KALRN: variants seen among roughly 807,000 people sequenced by gnomAD.
KALRN encodes the protein kalirin.
A neutral mutation model predicts 353.7 loss-of-function variants in KALRN; 70 were observed. The observed-to-expected ratio is 0.20, with a 90% CI of 0.16 to 0.24. The LOEUF (loss-of-function observed/expected upper bound fraction) is 0.24. Among genes scored for constraint, KALRN ranks in the 10% least tolerant of loss-of-function variants. The pLI is 1.00. For missense variants in KALRN, 2,791 were observed against 3,756.7 expected (o/e 0.74, Z 6.72); for synonymous variants, 1,391 against 1,434.8 (o/e 0.97, Z 0.69).
intron 6 of KALRN, among the ~76,000 whole-genome samples, chr3:124,315,728 A>G (rs1230750285): frequency 6.6e-6 from 1 of 151,976 alleles, no homozygotes; most frequent in Non-Finnish European, 1.5e-5. Flanking sequence ...GCATTTGCTA[A>G]GCAGTTAATT....
chr3:124,117,063 C>G (rs753390747), intron 1 of KALRN, among the ~76,000 whole-genome samples: 19 of 152,214 alleles, frequency 1.2e-4, no homozygotes, highest in Non-Finnish European at 2.5e-4. Context: ...TGCTCACCAC[C>G]AAGTGGATCC....
chr3:124,525,405 T>G (rs2067501990), intron 33 of KALRN, among the ~76,000 whole-genome samples: 1 of 152,198 alleles, frequency 6.6e-6, no homozygotes, highest in Admixed American at 6.5e-5. Context: ...GGTTTTAGAT[T>G]TGCCTGTGTT....
chr3:124,367,515 A>ACCC (rs1184630192), intron 10 of KALRN, among the ~76,000 whole-genome samples: 1 of 78,572 alleles, frequency 1.3e-5, no homozygotes, highest in African/African-American at 5.5e-5. Flanking sequence ...GGGGGGGCTG[A>ACCC]CCCCCCCACC....
chr3:124,252,565 C>A (rs1041210306), intron 3 of KALRN, among the ~76,000 whole-genome samples: 2 of 152,160 alleles, frequency 1.3e-5, no homozygotes, highest in Admixed American at 1.3e-4. Flanking sequence ...CCCCACTAGC[C>A]CTGGCATCAC....
At chr3:124,270,314 CT>C (rs2073993746) in intron 5 of KALRN, among the ~76,000 whole-genome samples, 1 of 152,142 alleles carries the variant, frequency 6.6e-6, no homozygotes, top group African/African-American at 2.4e-5. Context: ...AAAAATGTCT[CT>C]AGGTATTTTT....
At chr3:124,449,912 A>T (rs1194910566) in intron 21 of KALRN, among the ~76,000 whole-genome samples, 3 of 152,212 alleles carry the variant, frequency 2.0e-5, no homozygotes, top group African/African-American at 7.2e-5. Flanking sequence ...ATGCCATTTC[A>T]TTGATATACC....
intron 1 of KALRN, among the ~76,000 whole-genome samples, chr3:124,156,952 G>A (rs1201329896): frequency 6.6e-6 from 1 of 152,070 alleles, no homozygotes; most frequent in Non-Finnish European, 1.5e-5. Context: ...GCTCTTTAAT[G>A]TCTGTTCTTT....
At chr3:124,633,666 T>G (rs2149845229) in intron 35 of KALRN, among the ~76,000 whole-genome samples, 186 bp from the exon 36 acceptor site, 1 of 152,124 alleles carries the variant, frequency 6.6e-6, no homozygotes, top group South Asian at 2.1e-4. Flanking sequence ...TGTTCCCCAC[T>G]GGTGCTCACT....
chr3:124,671,938 T>G, intron 48 of KALRN, 40 bp downstream of exon 48: 1 of 1,433,688 alleles, frequency 7.0e-7, no homozygotes, highest in South Asian at 1.2e-5. Context: ...GTCACTACGA[T>G]GGCATAGCCT....
intron 34 of KALRN, among the ~76,000 whole-genome samples, chr3:124,598,803 A>G (rs1308281489): frequency 1.3e-5 from 2 of 152,104 alleles, no homozygotes; most frequent in Non-Finnish European, 2.9e-5. Context: ...AAGCCTCAAG[A>G]GTAGCTGGGA....
At chr3:124,589,124 T>C (rs558346776) in intron 34 of KALRN, among the ~76,000 whole-genome samples, 50 of 152,328 alleles carry the variant, frequency 3.3e-4, no homozygotes, top group African/African-American at 1.2e-3. Context: ...TCTATAACTT[T>C]GTCTTATCCT....
chr3:124,229,732 T>G (rs1452470922), intron 2 of KALRN, among the ~76,000 whole-genome samples: 3 of 152,258 alleles, frequency 2.0e-5, no homozygotes, highest in Non-Finnish European at 2.9e-5. Context: ...AGGGCAGGCA[T>G]GCAATGGGAG....
At chr3:124,106,677 GAT>G (rs973284631) in intron 1 of KALRN, among the ~76,000 whole-genome samples, 2 of 152,160 alleles carry the variant, frequency 1.3e-5, no homozygotes, top group African/African-American at 4.8e-5. Flanking sequence ...AGTTGGAAGA[GAT>G]AAGATGAGGA....
chr3:124,601,055 G>A (rs2076750211), intron 34 of KALRN, among the ~76,000 whole-genome samples: 1 of 152,206 alleles, frequency 6.6e-6, no homozygotes, highest in Admixed American at 6.5e-5. Context: ...CCAAGCATGG[G>A]TTAGGAGGGT....
At chr3:124,521,627 GA>G (rs1193705077) in intron 33 of KALRN, among the ~76,000 whole-genome samples, 1 of 151,890 alleles carries the variant, frequency 6.6e-6, no homozygotes, top group African/African-American at 2.4e-5. Context: ...GCCATTTTTA[GA>G]AAAAAACAGA....
chr3:124,333,215 G>A (rs900062115), intron 8 of KALRN, among the ~76,000 whole-genome samples: 1 of 152,160 alleles, frequency 6.6e-6, no homozygotes, highest in Non-Finnish European at 1.5e-5. Context: ...CCCACAACAC[G>A]TGGTGATTAT....
intron 7 of KALRN, among the ~76,000 whole-genome samples, chr3:124,328,617 G>C (rs1339598931): frequency 6.6e-6 from 1 of 152,202 alleles, no homozygotes; most frequent in Non-Finnish European, 1.5e-5. Flanking sequence ...CACTCTTCCA[G>C]AATTGCTTAG....
intron 1 of KALRN, among the ~76,000 whole-genome samples, chr3:124,178,276 T>C (rs1391974110): frequency 6.6e-6 from 1 of 152,240 alleles, no homozygotes; most frequent in Non-Finnish European, 1.5e-5. Flanking sequence ...TTTTATCCTC[T>C]ATATTCATAC....
intron 14 of KALRN, 62 bp downstream of exon 14, chr3:124,413,727 C>T: frequency 7.7e-7 from 1 of 1,297,772 alleles, no homozygotes; most frequent in African/African-American, 1.5e-5. Context: ...ACCATCTAGC[C>T]TGCAAGGAGC....
Sources: gnomAD v4.1 joint callset for allele counts (sites outside exome capture counted in the v4.1 genomes callset) on GRCh38, gnomAD v4.1.1 for gene constraint, MANE v1.5 for transcripts, NCBI Gene and HGNC (gene_info 2026-07-23, HGNC 2026-07-21) for gene names.